RPH3AL: variants seen among roughly 807,000 people sequenced by gnomAD.
RPH3AL encodes rabphilin 3A like (without C2 domains).
A neutral mutation model predicts 43.1 loss-of-function variants in RPH3AL; 38 were observed. The ratio of observed to expected loss-of-function variants is 0.88; its 90% CI spans 0.68 to 1.15. The LOEUF (loss-of-function observed/expected upper bound fraction) is 1.15, where lower values mean the gene tolerates loss of function less well. RPH3AL is among the 50% of genes most tolerant of loss of function. The pLI is 0.00. For synonymous variants in RPH3AL, 189 were observed against 176.3 expected (o/e 1.07, Z -0.57); for missense variants, 462 against 423.2 (o/e 1.09, Z -0.81).
At chr17:234,688 AAC>A (rs1170477524) in intron 7 of RPH3AL, 2 of 153,746 alleles carry the variant, frequency 1.3e-5, no homozygotes, top group Admixed American at 6.5e-5. Context: ...CGGTGTGTAC[AAC>A]ACACACTCCC....
intron 7 of RPH3AL, among the ~76,000 whole-genome samples, chr17:226,938 C>T (rs996657462): frequency 2.6e-5 from 4 of 152,184 alleles, no homozygotes; most frequent in East Asian, 1.9e-4. Flanking sequence ...GGCTCACCGA[C>T]GAGCCCTGTA....
intron 7 of RPH3AL, among the ~76,000 whole-genome samples, chr17:233,768 G>C (rs2041285106): frequency 6.6e-6 from 1 of 152,230 alleles, no homozygotes; most frequent in African/African-American, 2.4e-5. Flanking sequence ...GATGCTGAAA[G>C]GGTGTCAGAG....
intron 6 of RPH3AL, among the ~76,000 whole-genome samples, chr17:272,514 C>G (rs912742459): frequency 4.1e-5 from 6 of 147,720 alleles, no homozygotes; most frequent in African/African-American, 1.5e-4. Context: ...GACAGAAAAC[C>G]AAACACCGCA....
At chr17:315,486 A>G (rs376053493) in intron 5 of RPH3AL, among the ~76,000 whole-genome samples, 2 of 59,828 alleles carry the variant, frequency 3.3e-5, no homozygotes, top group Non-Finnish European at 6.0e-5. Context: ...ACCTCCATTG[A>G]CCTGTAGTCC....
chr17:341,185 T>C, intron 1 of RPH3AL: 1 of 152,284 alleles, frequency 6.6e-6, no homozygotes, highest in Non-Finnish European at 1.5e-5. Flanking sequence ...TGCCTCGTCC[T>C]CATAAGCACA....
intron 6 of RPH3AL, among the ~76,000 whole-genome samples, chr17:259,030 C>T (rs1280133176): frequency 6.6e-6 from 1 of 152,136 alleles, no homozygotes; most frequent in Non-Finnish European, 1.5e-5. Flanking sequence ...AGGCAGGCCA[C>T]GTGCCTCCCC....
At chr17:249,972 T>C (rs1197370930) in intron 6 of RPH3AL, among the ~76,000 whole-genome samples, 18 of 143,436 alleles carry the variant, frequency 1.3e-4, no homozygotes, top group Middle Eastern at 4.1e-3. Flanking sequence ...GCTCCGTCGC[T>C]GCAGGACCTC....
At chr17:286,941 T>TCTCTCCACCGTCAGACCTCGCACC (rs71143494) in intron 5 of RPH3AL, among the ~76,000 whole-genome samples, 2,620 of 23,290 alleles carry the variant, frequency 0.11, 370 homozygotes, top group Middle Eastern at 0.25. Context: ...CCTCGCACCC[T>TCTCTCCACCGTCAGACCTCGCACC]CTCTCTCCAC....
At chr17:269,198 C>T (rs1018977725) in intron 6 of RPH3AL, among the ~76,000 whole-genome samples, 12 of 151,786 alleles carry the variant, frequency 7.9e-5, no homozygotes, top group Non-Finnish European at 1.0e-4. Context: ...TTTTTAGAGA[C>T]GAGGGATCGC....
intron 1 of RPH3AL, among the ~76,000 whole-genome samples, chr17:343,162 G>T (rs987190600): frequency 2.8e-4 from 43 of 152,188 alleles, no homozygotes; most frequent in African/African-American, 9.9e-4. Context: ...ATCCATGCCT[G>T]TTCCTGCTCC....
rs1395645900 is a variant in RPH3AL, at chr17:289,513, G to C, written c.352-7659C>G. ...CTCTACCCCACCGCGCTGTCCTCCA[G>C]CTGGTTCCCGACATGGCAGCCAGGC... On this transcript the variant is annotated intron_variant, in intron 5 of 9. Coordinates refer to ENST00000331302, the MANE Select transcript of RPH3AL (RefSeq NM_006987.4). This position sits in a 1 kb window ranked among gnomAD's most constrained non-coding sequence, Gnocchi z 5.2. Among the ~76,000 whole-genome samples, 1 of 152,176 alleles carries C rather than the reference G, an allele frequency of 6.6e-6. No homozygotes were observed. The highest frequency in any genetic ancestry group is 2.4e-5 in the African/African-American group (1 of 41,424).
At chr17:294,330 G>A (rs929918261) in intron 5 of RPH3AL, among the ~76,000 whole-genome samples, 3 of 152,296 alleles carry the variant, frequency 2.0e-5, no homozygotes, top group Non-Finnish European at 2.9e-5. Context: ...AGCCGAGCAT[G>A]CTGGTGCACA....
intron 8 of RPH3AL, among the ~76,000 whole-genome samples, chr17:219,111 CCAGATGTAGAAGAACTCCTTG>C (rs1367512232): frequency 6.6e-6 from 1 of 151,506 alleles, no homozygotes; most frequent in Admixed American, 6.6e-5. Flanking sequence ...GCTTCTCCTT[CCAGATGTAGAAGAACTCCTTG>C]GACACCCACT....
At chr17:251,390 A>C (rs1425700448) in intron 6 of RPH3AL, among the ~76,000 whole-genome samples, 1 of 152,204 alleles carries the variant, frequency 6.6e-6, no homozygotes, top group African/African-American at 2.4e-5. Context: ...GAAGCTTATT[A>C]TCTCCACTTT....
At chr17:272,947 CAGCAA>C (rs2042515632) in intron 6 of RPH3AL, among the ~76,000 whole-genome samples, 1 of 45,308 alleles carries the variant, frequency 2.2e-5, no homozygotes, top group Admixed American at 2.4e-4. Flanking sequence ...GGAGAGACCC[CAGCAA>C]GGGCTACGTC....
chr17:334,864 A>G (rs55823471), intron 1 of RPH3AL, among the ~76,000 whole-genome samples: 4,329 of 60,120 alleles, frequency 0.072, 627 homozygotes, highest in East Asian at 0.28. Flanking sequence ...GGGCCAGCCC[A>G]TCCACTGCGG....
chr17:316,464 C>G (rs1555518580), intron 5 of RPH3AL, among the ~76,000 whole-genome samples: 1 of 151,136 alleles, frequency 6.6e-6, no homozygotes, highest in South Asian at 2.1e-4. Flanking sequence ...CTCCACTGAC[C>G]TGTAGTCTCT....
chr17:287,071 TCCCTCTCTCCACCGTCAGACCTCGCA>T (rs2042938602), intron 5 of RPH3AL, among the ~76,000 whole-genome samples: 2 of 3,508 alleles, frequency 5.7e-4, no homozygotes, highest in Non-Finnish European at 1.2e-3. Flanking sequence ...CAGACCTCAC[TCCCTCTCTCCACCGTCAGACCTCGCA>T]CCCTCTCTCC....
intron 6 of RPH3AL, among the ~76,000 whole-genome samples, chr17:272,906 C>T (rs1293682158): frequency 6.6e-5 from 10 of 151,954 alleles, no homozygotes; most frequent in Admixed American, 2.6e-4. Context: ...GGGCCAGTGG[C>T]GACGTGAGAT....
Sources: allele counts gnomAD v4.1 joint callset (sites outside exome capture counted in the v4.1 genomes callset), GRCh38; gene constraint gnomAD v4.1.1; non-coding constraint Gnocchi (gnomAD v3.1); transcripts MANE v1.5; gene names NCBI Gene and HGNC (gene_info 2026-07-23, HGNC 2026-07-21).